Variants in DTNBP1 observed in about 807,000 individuals in gnomAD.
DTNBP1 encodes dysbindin.
A neutral mutation model predicts 42.8 loss-of-function variants in DTNBP1; 35 were observed. That is an observed-to-expected ratio of 0.82 (90% CI 0.63 to 1.09). The LOEUF is 1.09. Ranked by LOEUF, DTNBP1 falls within the 50% of genes least tolerant of loss-of-function variation. The pLI is 0.00. For synonymous variants in DTNBP1, 171 were observed against 162.2 expected, an observed-to-expected ratio of 1.05 and a Z score of -0.41; for missense variants, 457 against 424.2, an observed-to-expected ratio of 1.08 and a Z score of -0.68.
At position 15,623,746 on chromosome 6, in the gene DTNBP1, A is replaced by G. The variant is rs556548773; in HGVS notation, c.355+3597T>C. ...GTGGAAGTTCAAGATAATTCAGTAT[A>G]TACTTTTCAAACATATTTTTCCAGT... On this transcript the variant is annotated intron_variant, in intron 5 of 9. Transcript: ENST00000344537. 6.6e-5 allele frequency among the ~76,000 whole-genome samples: 10 copies of G among 152,344 alleles called. No homozygotes were observed. The South Asian group carries it at 2.1e-3, about 32-fold the overall frequency.
intron 7 of DTNBP1, among the ~76,000 whole-genome samples, chr6:15,541,971 T>C (rs960762386): frequency 6.6e-6 from 1 of 151,982 alleles, no homozygotes; most frequent in African/African-American, 2.4e-5. Context: ...CTCTTAAGAG[T>C]TCAAAATGTT....
intron 3 of DTNBP1, among the ~76,000 whole-genome samples, chr6:15,644,819 C>T (rs1488959816): frequency 1.3e-5 from 2 of 151,878 alleles, no homozygotes; most frequent in Admixed American, 6.6e-5. Context: ...TCCATGACTA[C>T]ACCAAAACAC....
At chr6:15,594,791 TAG>T (rs1402883028) in intron 6 of DTNBP1, among the ~76,000 whole-genome samples, 1 of 152,156 alleles carries the variant, frequency 6.6e-6, no homozygotes, top group African/African-American at 2.4e-5. Flanking sequence ...TTACAATGTT[TAG>T]AGAGCTTCTA....
intron 7 of DTNBP1, among the ~76,000 whole-genome samples, chr6:15,552,612 ACCT>A (rs1774277733): frequency 6.6e-6 from 1 of 152,042 alleles, no homozygotes; most frequent in Admixed American, 6.6e-5. Context: ...ACATAGTGAG[ACCT>A]CCTTTCTCTA....
chr6:15,662,505 G>A (rs1761703633), intron 1 of DTNBP1, among the ~76,000 whole-genome samples: 1 of 152,220 alleles, frequency 6.6e-6, no homozygotes, highest in East Asian at 1.9e-4. Context: ...TTCCCTCCAG[G>A]GCCCAGCTGA....
intron 7 of DTNBP1, among the ~76,000 whole-genome samples, chr6:15,559,192 A>G (rs970249111): frequency 3.3e-5 from 5 of 152,204 alleles, no homozygotes; most frequent in Non-Finnish European, 7.3e-5. Context: ...GTGGCCAGCC[A>G]TCAGAAGTTG....
Position 15,663,027 on chromosome 6 carries a change from C to A in DTNBP1, c.-158G>T. The A allele has an allele frequency of 3.1e-6, 3 of 981,644 alleles. No individual in the cohort carries two copies. The highest frequency in any genetic ancestry group is 1.8e-5 in the South Asian group (1 of 56,252). The allele number at this position is 981,644 out of a possible 1,614,324, so 60.8% of individuals were successfully genotyped here. A position where few individuals can be genotyped will look rare whatever the true frequency, so the allele number is the denominator to read the frequency against. On this transcript the variant is annotated 5_prime_UTR_variant, in exon 1 of 10. Transcript: ENST00000344537. Reference sequence around the variant, plus strand: ...TGGTCCTCGCCGCCGCGCCGCAACCCCAGCCCCTTCCGCGTTCCCGCCCCG... The same window carrying A: ...TGGTCCTCGCCGCCGCGCCGCAACCACAGCCCCTTCCGCGTTCCCGCCCCG...
chr6:15,551,370 G>A (rs934307896), intron 7 of DTNBP1, among the ~76,000 whole-genome samples: 1 of 152,078 alleles, frequency 6.6e-6, no homozygotes, highest in Non-Finnish European at 1.5e-5. Context: ...ACAACCTTAC[G>A]CTCAGTAAAG....
chr6:15,584,626 C>G (rs901729975), intron 7 of DTNBP1, among the ~76,000 whole-genome samples: 1 of 149,630 alleles, frequency 6.7e-6, no homozygotes, highest in African/African-American at 2.5e-5. Flanking sequence ...GAACTTTTCT[C>G]TTAAGTTTGA....
chr6:15,614,428 C>T (rs1758603117), intron 6 of DTNBP1, among the ~76,000 whole-genome samples: 1 of 152,230 alleles, frequency 6.6e-6, no homozygotes, highest in South Asian at 2.1e-4. Flanking sequence ...CAGACCCAAT[C>T]CCATGACTTC....
At chr6:15,543,397 C>T (rs1020624231) in intron 7 of DTNBP1, among the ~76,000 whole-genome samples, 5 of 152,156 alleles carry the variant, frequency 3.3e-5, no homozygotes, top group South Asian at 2.1e-4. Flanking sequence ...GTCACACATG[C>T]GCTGTGCGTG....
chr6:15,599,801 A>G (rs1776656670), intron 6 of DTNBP1, among the ~76,000 whole-genome samples: 1 of 152,172 alleles, frequency 6.6e-6, no homozygotes, highest in East Asian at 1.9e-4. Flanking sequence ...AAAAATCTTT[A>G]TTACAAATTT....
chr6:15,599,605 C>T (rs78514023), intron 6 of DTNBP1, among the ~76,000 whole-genome samples: 1 of 152,258 alleles, frequency 6.6e-6, no homozygotes, highest in African/African-American at 2.4e-5. Flanking sequence ...GGGGAAAGTA[C>T]ATTATTTTTA....
At chr6:15,572,351 A>G (rs1207203096) in intron 7 of DTNBP1, among the ~76,000 whole-genome samples, 4 of 152,186 alleles carry the variant, frequency 2.6e-5, no homozygotes, top group Non-Finnish European at 5.9e-5. Flanking sequence ...TCATGGTTGT[A>G]GCAGACTTCT....
chr6:15,524,816 T>A, intron 8 of DTNBP1, 147 bp from the exon 9 acceptor site: 1 of 1,262,148 alleles, frequency 7.9e-7, no homozygotes, highest in South Asian at 1.4e-5. Context: ...AGATGACATA[T>A]GCCAGTCTGG....
intron 6 of DTNBP1, among the ~76,000 whole-genome samples, chr6:15,605,993 AT>A (rs1758029169): frequency 1.3e-5 from 2 of 152,332 alleles, no homozygotes; most frequent in East Asian, 3.9e-4. Context: ...ATTTATGGGT[AT>A]TTTCCCCGTA....
At chr6:15,625,324 A>G (rs951109144) in intron 5 of DTNBP1, among the ~76,000 whole-genome samples, 1 of 152,232 alleles carries the variant, frequency 6.6e-6, no homozygotes, top group African/African-American at 2.4e-5. Context: ...TCGGTTAGAC[A>G]TAGATGAGAG....
At chr6:15,662,716 AC>A (rs1277521115) in intron 1 of DTNBP1, 97 bp downstream of exon 1, 23 of 1,526,252 alleles carry the variant, frequency 1.5e-5, no homozygotes, top group Non-Finnish European at 2.0e-5. Flanking sequence ...GACAGGACGG[AC>A]CCTGGACCGT....
At chr6:15,549,513 A>T (rs1157566939) in intron 7 of DTNBP1, among the ~76,000 whole-genome samples, 1 of 151,052 alleles carries the variant, frequency 6.6e-6, no homozygotes, top group Non-Finnish European at 1.5e-5. Context: ...AAAAAAAAAA[A>T]AAAAGGGAAC....
Sources: allele counts gnomAD v4.1 joint callset (sites outside exome capture counted in the v4.1 genomes callset), GRCh38; gene constraint gnomAD v4.1.1; transcripts MANE v1.5; gene names NCBI Gene and HGNC (gene_info 2026-07-23, HGNC 2026-07-21).